Variants in OGDHL observed in about 807,000 individuals in gnomAD.
OGDHL encodes the protein oxoglutarate dehydrogenase L.
In OGDHL, 79 loss-of-function variants were observed where a neutral mutation model predicts 109.6. The observed-to-expected ratio is 0.72, with a 90% CI of 0.60 to 0.87. OGDHL has a LOEUF of 0.87. Ranked by LOEUF, OGDHL falls within the 40% of genes least tolerant of loss-of-function variation. The probability of loss-of-function intolerance (pLI) is 0.00; values close to 1 mark genes in which losing one functional copy is unlikely to be tolerated. For missense variants in OGDHL, 1,275 were observed against 1,362.2 expected, an observed-to-expected ratio of 0.94 and a Z score of 1.01; for synonymous variants, 528 against 537.2, an observed-to-expected ratio of 0.98 and a Z score of 0.24.
At chr10:49,742,244 T>C (rs1440473498) in intron 15 of OGDHL, among the ~76,000 whole-genome samples, 2 of 110,180 alleles carry the variant, frequency 1.8e-5, no homozygotes, top group Non-Finnish European at 1.8e-5. Flanking sequence ...ACACCACACA[T>C]ACACCACACA....
At chr10:49,743,859 G>C in intron 14 of OGDHL, 135 bp downstream of exon 14, 1 of 1,105,604 alleles carries the variant, frequency 9.0e-7, no homozygotes, top group Non-Finnish European at 1.3e-6. Flanking sequence ...ATGGTGCCGA[G>C]AGCTACGTGG....
intron 1 of OGDHL, among the ~76,000 whole-genome samples, chr10:49,761,358 T>C (rs1588824039): frequency 6.6e-6 from 1 of 151,764 alleles, no homozygotes; most frequent in African/African-American, 2.4e-5. Flanking sequence ...CTGTCTGGGG[T>C]GCCCTAGTGA....
chr10:49,748,773 C>CAT (rs1842383374), intron 8 of OGDHL, among the ~76,000 whole-genome samples: 1 of 151,636 alleles, frequency 6.6e-6, no homozygotes, highest in Admixed American at 6.6e-5. Context: ...CACACACACA[C>CAT]ACACACACAC....
intron 3 of OGDHL, among the ~76,000 whole-genome samples, chr10:49,753,195 G>A (rs918811915): frequency 2.6e-5 from 4 of 152,164 alleles, no homozygotes; most frequent in Admixed American, 1.3e-4. Context: ...AGCAAAGTAT[G>A]TATGGTGAAC....
At chr10:49,737,697 G>C in intron 20 of OGDHL, 89 bp downstream of exon 20, 2 of 1,393,370 alleles carry the variant, frequency 1.4e-6, no homozygotes, top group Non-Finnish European at 2.0e-6. Context: ...CAGGCAGAGG[G>C]GAGGTTGGAG....
chr10:49,742,704 T>C, intron 15 of OGDHL, 124 bp downstream of exon 15: 1 of 1,294,286 alleles, frequency 7.7e-7, no homozygotes, highest in South Asian at 1.5e-5. Context: ...TGATGCCACC[T>C]GAGGGCAGGG....
intron 20 of OGDHL, 32 bp downstream of exon 20, chr10:49,737,754 G>A (rs376816639): frequency 3.7e-6 from 6 of 1,613,022 alleles, no homozygotes; most frequent in Non-Finnish European, 5.1e-6. Flanking sequence ...CCCCATTGTG[G>A]GCTACCCCAC....
chr10:49,735,242 C>T lies in OGDHL; in HGVS notation c.3019G>A (p.Gly1007Ser). 2 of 1,613,772 alleles carry T rather than the reference C, an allele frequency of 1.2e-6. No individual in the cohort carries two copies. The highest frequency in any genetic ancestry group is 1.7e-6 in the Non-Finnish European group (2 of 1,179,804). Residue 1007 changes from glycine to serine, a missense_variant, in exon 23 of 23, where the codon GGC becomes AGC. Gly to Ser is a moderately conservative substitution (Grantham distance 56, BLOSUM62 0). Transcript: ENST00000374103. ...TTTGCCCAGCTCTAAAATGTCTTGC[C>T]CTCAAAGGCCTGGAGATTGAAGGCA... ...DTAFNLQAFE[G>S]KTF
chr10:49,735,502 G>A (rs941393143), intron 22 of OGDHL, 151 bp from the exon 23 acceptor site: 2 of 825,324 alleles, frequency 2.4e-6, no homozygotes, highest in Non-Finnish European at 1.9e-6. Context: ...CACTTCCAAT[G>A]AGCTGCAAAG....
intron 3 of OGDHL, among the ~76,000 whole-genome samples, chr10:49,753,004 C>T (rs1842707333): frequency 6.6e-6 from 1 of 152,220 alleles, no homozygotes; most frequent in Admixed American, 6.5e-5. Flanking sequence ...CACTGCGGTG[C>T]TACTAGTAAT....
At chr10:49,758,062 A>G (rs1225947493) in intron 2 of OGDHL, among the ~76,000 whole-genome samples, 1 of 152,216 alleles carries the variant, frequency 6.6e-6, no homozygotes, top group African/African-American at 2.4e-5. Flanking sequence ...TATTTATTTT[A>G]TCAGATCAAT....
rs147150930 is a variant in OGDHL at position 49,757,093 on chromosome 10, C to T, written c.205-147G>A. ...CCAGGGTGCCTAGATGTACATACAA[C>T]GATGTTCCCTGCAGAACTGTTTACA... On this transcript the variant is annotated intron_variant, in intron 2 of 22. Coordinates refer to ENST00000374103, the MANE Select transcript of OGDHL (RefSeq NM_018245.3). 1.8e-3 allele frequency: 1,233 copies of T among 685,102 alleles called. 9 individuals are homozygous for T. The African/African-American group carries it at 0.019, about 11-fold the overall frequency. 42.4% of individuals were successfully genotyped at this position (685,102 alleles called of 1,614,324 possible). A position where few individuals can be genotyped will look rare whatever the true frequency, so the allele number is the denominator to read the frequency against.
intron 7 of OGDHL, 97 bp downstream of exon 7, chr10:49,750,742 C>A: frequency 1.4e-6 from 2 of 1,434,920 alleles, no homozygotes; most frequent in South Asian, 1.5e-5. Context: ...CCCCAGGTCC[C>A]ACCAACACCT....
Position 49,746,788 on chromosome 10 carries a change from T to C in OGDHL, c.1258A>G (p.Thr420Ala). The C allele has an allele frequency of 2.5e-6, 4 of 1,614,124 alleles. No homozygotes were observed. The highest frequency in any genetic ancestry group is 3.4e-6 in the Non-Finnish European group (4 of 1,180,020). The change falls in exon 10 of 23, where the codon ACG becomes GCG. Residue 420 changes from threonine (T) to alanine (A), a missense_variant. Thr to Ala is a moderately conservative substitution (Grantham distance 58). Transcript: ENST00000374103. ...TFHLSDLPSY[T>A]TNGTVHVVVN... ...ACGACGTGCACGGTACCATTGGTCG[T>C]GTAGGAGGGCAGGTCGCTCAGGTGG...
intron 1 of OGDHL, among the ~76,000 whole-genome samples, chr10:49,761,728 A>T (rs1409847259): frequency 2.6e-5 from 4 of 152,078 alleles, no homozygotes; most frequent in Non-Finnish European, 5.9e-5. Context: ...AGCGCATCCC[A>T]TGCAAGCAGC....
rs1385417257 is a variant in OGDHL at position 49,742,864 on chromosome 10, C to T, written c.1976G>A (p.Arg659Gln). The T allele has an allele frequency of 5.0e-6, 8 of 1,613,870 alleles. No individual in the cohort carries two copies. The highest frequency in any genetic ancestry group is 2.2e-5 in the East Asian group (1 of 44,882). The change falls in exon 15 of 23, where the codon CGG (arginine) becomes CAG (glutamine). Residue 659 changes from arginine (R) to glutamine (Q), a missense_variant. Physicochemically the swap from Arg to Gln is conservative, Grantham distance 43. Transcript: ENST00000374103. ...GSLLKEGIHV[R>Q]LSGQDVERGT... ...CCTCTCCACATCCTGCCCGCTGAGC[C>T]GCACGTGGATGCCTTCCTTCAGCAG...
chr10:49,751,765 G>A (rs1230757356), intron 6 of OGDHL, 62 bp downstream of exon 6: 20 of 1,575,226 alleles, frequency 1.3e-5, no homozygotes, highest in Admixed American at 5.1e-5. Flanking sequence ...GCAGGGTGTG[G>A]GACGTCTCAT....
chr10:49,742,546 A>G (rs2948725), intron 15 of OGDHL, among the ~76,000 whole-genome samples: 54,203 of 127,756 alleles, frequency 0.42, 12,536 homozygotes, highest in East Asian at 0.88. Context: ...CACACCACAC[A>G]CAACTCGCCC....
intron 13 of OGDHL, 111 bp downstream of exon 13, chr10:49,744,539 G>C: frequency 1.2e-6 from 1 of 818,634 alleles, no homozygotes; most frequent in Non-Finnish European, 2.0e-6. Flanking sequence ...AGAGCCTGCA[G>C]CCTCTAGACT....
Sources: gnomAD v4.1 joint callset for allele counts (sites outside exome capture counted in the v4.1 genomes callset) on GRCh38, gnomAD v4.1.1 for gene constraint, MANE v1.5 for transcripts, NCBI Gene and HGNC (gene_info 2026-07-23, HGNC 2026-07-21) for gene names.